The following SUMF1 variants were observed in gnomAD, a reference collection of about 807,000 sequenced individuals.
SUMF1 encodes sulfatase modifying factor 1, also known as formylglycine-generating enzyme.
SUMF1 carries 48 observed loss-of-function variants against 47.6 expected under a neutral mutation model. The ratio of observed to expected loss-of-function variants is 1.01; its 90% CI spans 0.80 to 1.28. The LOEUF is 1.28. Ranked by LOEUF, SUMF1 falls within the 50% of genes most tolerant of loss-of-function variation. SUMF1 has a pLI of 0.00. For missense variants in SUMF1, 571 were observed against 485.4 expected (o/e 1.18, Z -1.66); for synonymous variants, 230 against 192.1 (o/e 1.20, Z -1.63).
At chr3:4,328,050 T>C (rs1362526117) in intron 8 of SUMF1, among the ~76,000 whole-genome samples, 2 of 150,250 alleles carry the variant, frequency 1.3e-5, no homozygotes, top group African/African-American at 2.4e-5. Context: ...GCCCTCCCTG[T>C]ACAAAAAAAA....
intron 8 of SUMF1, among the ~76,000 whole-genome samples, chr3:4,078,604 T>C (rs1447942234): frequency 6.6e-6 from 1 of 151,946 alleles, no homozygotes; most frequent in Non-Finnish European, 1.5e-5. Flanking sequence ...ATTTAATCCA[T>C]GTAACAGGCC....
chr3:4,075,978 G>A (rs1208672139), intron 8 of SUMF1, among the ~76,000 whole-genome samples: 2 of 152,096 alleles, frequency 1.3e-5, no homozygotes, highest in Non-Finnish European at 2.9e-5. Context: ...CACAGAATTG[G>A]AAGTAAAGCT....
intron 9 of SUMF1, among the ~76,000 whole-genome samples, chr3:4,062,763 C>T (rs1695297277): frequency 6.6e-6 from 1 of 152,102 alleles, no homozygotes; most frequent in Admixed American, 6.5e-5. Flanking sequence ...ACAAGGGTTG[C>T]ACAATGAGTT....
At chr3:4,311,608 G>A (rs1319550887) in intron 8 of SUMF1, among the ~76,000 whole-genome samples, 2 of 152,150 alleles carry the variant, frequency 1.3e-5, no homozygotes, top group Non-Finnish European at 2.9e-5. Context: ...TTCCTTACAG[G>A]CAGGGCAAGC....
chr3:4,202,105 T>G (rs1036058441), intron 8 of SUMF1, among the ~76,000 whole-genome samples: 8 of 152,078 alleles, frequency 5.3e-5, no homozygotes, highest in African/African-American at 1.7e-4. Flanking sequence ...CTTTTTAACT[T>G]TATGAGATCT....
At chr3:4,117,360 C>G (rs1012767537) in intron 8 of SUMF1, among the ~76,000 whole-genome samples, 1 of 151,980 alleles carries the variant, frequency 6.6e-6, no homozygotes, top group African/African-American at 2.4e-5. Flanking sequence ...AAAAAAAAAT[C>G]TCATGGGACA....
At position 4,352,993 on chromosome 3, in the gene SUMF1, T is replaced by G. The variant is rs1365919282; in HGVS notation, c.1014+23337A>C. ...TCACTGTCAGACCTTGCTCTTCTCCTAGATGAACAGCTCTCAGGTTTTTTG... is the reference window on the plus strand; with the variant it reads ...TCACTGTCAGACCTTGCTCTTCTCCGAGATGAACAGCTCTCAGGTTTTTTG... On this transcript the variant is annotated intron_variant and NMD_transcript_variant, in intron 8 of 12. Coordinates refer to the SUMF1 transcript ENST00000448413. Among the ~76,000 whole-genome samples, 15 of 152,334 alleles carry G rather than the reference T, an allele frequency of 9.8e-5. No homozygotes were observed. In the East Asian group the frequency reaches 2.5e-3, roughly 25 times the overall value.
intron 8 of SUMF1, chr3:4,313,199 T>C: frequency 3.1e-6 from 5 of 1,614,016 alleles, no homozygotes; most frequent in Non-Finnish European, 4.2e-6. Flanking sequence ...GGCTGGGGAC[T>C]TCGTACCTTG....
chr3:4,271,466 TATAGATAGATAG>T (rs3048196), intron 8 of SUMF1, among the ~76,000 whole-genome samples: 6,972 of 108,436 alleles, frequency 0.064, 316 homozygotes, highest in African/African-American at 0.14. Flanking sequence ...TTATACTATC[TATAGATAGATAG>T]ATAGATAGAT....
intron 8 of SUMF1, among the ~76,000 whole-genome samples, chr3:4,121,016 TAGA>T (rs1247969180): frequency 6.6e-6 from 1 of 152,130 alleles, no homozygotes; most frequent in East Asian, 1.9e-4. Flanking sequence ...ATAACTGAAC[TAGA>T]AGAAGAACTT....
intron 8 of SUMF1, among the ~76,000 whole-genome samples, chr3:4,091,092 A>C (rs1692775918): frequency 7.0e-6 from 1 of 143,542 alleles, no homozygotes; most frequent in Non-Finnish European, 1.5e-5. Flanking sequence ...AACAACAACA[A>C]CAACAAAAAA....
At chr3:4,096,531 C>T (rs1183955098) in intron 8 of SUMF1, among the ~76,000 whole-genome samples, 1 of 152,120 alleles carries the variant, frequency 6.6e-6, no homozygotes, top group African/African-American at 2.4e-5. Context: ...ACTCAGACTT[C>T]AGACAGCCAT....
At chr3:4,062,327 C>T (rs577024003) in intron 9 of SUMF1, among the ~76,000 whole-genome samples, 5 of 152,256 alleles carry the variant, frequency 3.3e-5, no homozygotes, top group African/African-American at 9.6e-5. Flanking sequence ...CCCTTATGTG[C>T]AACATCAGAA....
intron 8 of SUMF1, among the ~76,000 whole-genome samples, chr3:4,147,923 C>CT (rs1491441250): frequency 6.6e-6 from 1 of 151,938 alleles, no homozygotes; most frequent in African/African-American, 2.4e-5. Flanking sequence ...GCTAATGACC[C>CT]TTTTTTTTCC....
chr3:4,337,937 A>C (rs1281385336), intron 8 of SUMF1, among the ~76,000 whole-genome samples: 2 of 152,050 alleles, frequency 1.3e-5, no homozygotes, highest in African/African-American at 4.8e-5. Flanking sequence ...GACATCCTCA[A>C]CTTTTTCAAG....
intron 7 of SUMF1, among the ~76,000 whole-genome samples, chr3:4,396,612 G>A (rs1048376880): frequency 6.6e-6 from 1 of 152,088 alleles, no homozygotes; most frequent in East Asian, 1.9e-4. Flanking sequence ...GTGGACACAT[G>A]TCCAAATCCT....
intron 7 of SUMF1, among the ~76,000 whole-genome samples, chr3:4,387,060 C>T (rs1688406): frequency 0.94 from 143,583 of 152,008 alleles, 68,258 homozygotes; most frequent in East Asian, 1. Flanking sequence ...TAGTAACCTT[C>T]TATTTTTTTA....
At chr3:4,426,529 T>C (rs550215800) in intron 3 of SUMF1, among the ~76,000 whole-genome samples, 56 of 152,332 alleles carry the variant, frequency 3.7e-4, no homozygotes, top group Non-Finnish European at 7.5e-4. Context: ...GATTCTGTCT[T>C]GAAAATAAGT....
intron 8 of SUMF1, among the ~76,000 whole-genome samples, chr3:4,124,528 A>G (rs1312629229): frequency 1.3e-5 from 2 of 151,254 alleles, no homozygotes; most frequent in African/African-American, 4.9e-5. Context: ...TCACCTCTTT[A>G]TTTTCTCAGA....
Sources: allele counts gnomAD v4.1 joint callset (sites outside exome capture counted in the v4.1 genomes callset), GRCh38; gene constraint gnomAD v4.1.1; transcripts MANE v1.5; gene names NCBI Gene and HGNC (gene_info 2026-07-23, HGNC 2026-07-21).